COPS7A: variants seen among roughly 807,000 people sequenced by gnomAD.
COPS7A encodes the protein COP9 signalosome complex subunit 7a.
In COPS7A, 20 loss-of-function variants were observed where a neutral mutation model predicts 35.2. The ratio of observed to expected loss-of-function variants is 0.57; its 90% CI spans 0.40 to 0.83. The LOEUF (loss-of-function observed/expected upper bound fraction) is 0.83. Ranked by LOEUF, COPS7A falls within the 40% of genes least tolerant of loss-of-function variation. The pLI, the probability that COPS7A is intolerant of heterozygous loss-of-function variation, is 0.00. For missense variants in COPS7A, 247 were observed against 347.5 expected (o/e 0.71, Z 2.30); for synonymous variants, 139 against 141.4 (o/e 0.98, Z 0.12).
Position 6,731,489 on chromosome 12 carries a change from C to T in COPS7A, c.*450C>T, listed in dbSNP as rs1484004075. 2 of 281,122 alleles carry T rather than the reference C, an allele frequency of 7.1e-6. No individual in the cohort carries two copies. The highest frequency in any genetic ancestry group is 1.3e-5 in the Non-Finnish European group (2 of 158,956). 17.4% of individuals were successfully genotyped at this position (281,122 alleles called of 1,614,324 possible). A position where few individuals can be genotyped will look rare whatever the true frequency, so the allele number is the denominator to read the frequency against. On this transcript the variant is annotated 3_prime_UTR_variant, in exon 8 of 8. Coordinates refer to ENST00000543155, the MANE Select transcript of COPS7A (RefSeq NM_001164094.2). ...AGCCTCTGAAGAGCCATAGGGCCCC[C>T]ACCTTTACTCACACCCTGAGAATTC... is the stretch of plus-strand genomic sequence containing the variant.
In COPS7A at chr12:6,724,635, G is replaced by A; in HGVS notation, c.-22G>A. ...GCAGCTCTGGACATCCTGAGCCCAA[G>A]TCCCCCACACTCAGTGCAGTGATGA... is the stretch of plus-strand genomic sequence containing the variant. On this transcript the variant is annotated 5_prime_UTR_variant, in exon 2 of 8. Transcript: ENST00000543155. The A allele has an allele frequency of 6.2e-7, 1 of 1,613,926 alleles. No homozygotes were observed. The highest frequency in any genetic ancestry group is 8.5e-7 in the Non-Finnish European group (1 of 1,179,924).
intron 3 of COPS7A, 37 bp from the exon 4 acceptor site, chr12:6,728,186 A>T: frequency 6.3e-7 from 1 of 1,599,388 alleles, no homozygotes; most frequent in Non-Finnish European, 8.6e-7. Flanking sequence ...CAGAAAACTG[A>T]AATCAGGATT....
At position 6,729,412 on chromosome 12, in the gene COPS7A, C is replaced by T; in HGVS notation, c.493C>T (p.Gln165Ter). 1 of 1,614,084 alleles carries T rather than the reference C, an allele frequency of 6.2e-7. No individual in the cohort carries two copies. Among genetic ancestry groups the T allele is most frequent in the Non-Finnish European group, 8.5e-7 (1 of 1,180,040 alleles). Reference protein sequence around the residue: ...DYSIGRDIQRQDLSAIARTLQ... With the variant: ...DYSIGRDIQR ...CAGCATCGGGCGGGACATCCAGCGC[C>T]AGGACCTCAGTGCCATTGCCCGAAC... Residue 165 changes from glutamine to a stop codon, truncating the protein, a stop_gained, in exon 5 of 8, where the codon CAG becomes TAG. Coordinates refer to ENST00000543155, the MANE Select transcript of COPS7A (RefSeq NM_001164094.2). LOFTEE classifies it high-confidence loss of function. The surrounding 1 kb of genome is among the most constrained non-coding windows in gnomAD (Gnocchi z 4.2).
chr12:6,726,795 T>C (rs1215425472), intron 2 of COPS7A, among the ~76,000 whole-genome samples: 1 of 152,044 alleles, frequency 6.6e-6, no homozygotes, highest in Non-Finnish European at 1.5e-5. Flanking sequence ...ATTAAGTGGC[T>C]CTTTACTACC....
chr12:6,730,321 G>A, intron 5 of COPS7A, 81 bp from the exon 6 acceptor site: 1 of 1,365,360 alleles, frequency 7.3e-7, no homozygotes. Context: ...CCTGCCTCTA[G>A]GGTTCTTTTT....
chr12:6,728,510 C>T (rs1194057598), intron 4 of COPS7A, among the ~76,000 whole-genome samples, 199 bp downstream of exon 4: 1 of 152,152 alleles, frequency 6.6e-6, no homozygotes, highest in South Asian at 2.1e-4. Flanking sequence ...TTTTAATCAA[C>T]TTAAGTTCTA....
chr12:6,724,340 A>G (rs778048405), intron 1 of COPS7A, 161 bp downstream of exon 1: 3 of 463,802 alleles, frequency 6.5e-6, no homozygotes, highest in South Asian at 4.9e-5. Flanking sequence ...GGTGGACACC[A>G]TGCGACACCC....
chr12:6,725,509 A>G (rs1465469260), intron 2 of COPS7A: 1 of 429,454 alleles, frequency 2.3e-6, no homozygotes, highest in African/African-American at 2.0e-5. Flanking sequence ...TTGTGGGAAT[A>G]AAGTGAGATT....
intron 1 of COPS7A, 111 bp downstream of exon 1, chr12:6,724,290 C>A (rs1309845555): frequency 1.0e-5 from 4 of 398,636 alleles, no homozygotes; most frequent in Non-Finnish European, 1.5e-5. Context: ...GTTGTGGGCG[C>A]GTGCGGGGCA....
chr12:6,727,272 G>A (rs773350033), intron 2 of COPS7A, among the ~76,000 whole-genome samples: 8 of 150,524 alleles, frequency 5.3e-5, no homozygotes, highest in Admixed American at 1.3e-4. Flanking sequence ...GGGAGGCGGA[G>A]GTTGCAGTGA....
chr12:6,730,261 C>T, intron 5 of COPS7A, 141 bp from the exon 6 acceptor site: 1 of 705,042 alleles, frequency 1.4e-6, no homozygotes, highest in Non-Finnish European at 2.5e-6. Flanking sequence ...AAGCAATTCG[C>T]CCATCTTGGC....
chr12:6,730,587 G>A, intron 6 of COPS7A, 80 bp downstream of exon 6: 1 of 1,610,954 alleles, frequency 6.2e-7, no homozygotes, highest in South Asian at 1.1e-5. Context: ...TTTGGACAGT[G>A]GCTGTAGCAG....
chr12:6,727,817 A>C (rs749962631), intron 2 of COPS7A, 109 bp from the exon 3 acceptor site: 2 of 963,976 alleles, frequency 2.1e-6, no homozygotes, highest in Non-Finnish European at 3.3e-6. Flanking sequence ...CAGGAGAGTT[A>C]ACATTGGCCG....
rs1205183926 is a variant in COPS7A, at chr12:6,730,438, G to A, written c.567G>A (p.Glu189=). The A allele has an allele frequency of 6.2e-6, 10 of 1,614,008 alleles. No homozygotes were observed. Among genetic ancestry groups the A allele is most frequent in the Non-Finnish European group, 7.6e-6 (9 of 1,180,026 alleles). Residue 189 remains glutamate (E), a synonymous_variant, in exon 6 of 8, where the codon GAG becomes GAA. Coordinates refer to ENST00000543155, the MANE Select transcript of COPS7A (RefSeq NM_001164094.2). ...GTGAGGTCGTGCTGTCAGGCATTGA[G>A]GAGCAGGTGAGCCGTGCCAACCAAC... is the stretch of plus-strand genomic sequence containing the variant. ...VGCEVVLSGI[E]EQVSRANQHK...
rs1286668978 is a variant in COPS7A, at chr12:6,731,352, G to A, written c.*313G>A. The A allele has an allele frequency of 1.4e-6, 2 of 1,397,900 alleles. No homozygotes were observed. Among genetic ancestry groups the A allele is most frequent in the Non-Finnish European group, 1.9e-6 (2 of 1,078,354 alleles). The allele number at this position is 1,397,900 out of a possible 1,614,324, so 86.6% of individuals were successfully genotyped here. A position where few individuals can be genotyped will look rare whatever the true frequency, so the allele number is the denominator to read the frequency against. On this transcript the variant is annotated 3_prime_UTR_variant, in exon 8 of 8. Transcript: ENST00000543155. ...TTACATGTCATTGAGTAGGTGGGTA[G>A]CCCTGATGGGGGTCGCTCTGTCTGG...
intron 2 of COPS7A, 166 bp from the exon 3 acceptor site, chr12:6,727,760 C>T (rs1453086832): frequency 2.8e-6 from 2 of 710,194 alleles, no homozygotes; most frequent in Non-Finnish European, 2.6e-6. Flanking sequence ...ATGAGCCCTT[C>T]CTATGTGAAG....
At chr12:6,730,018 A>C (rs2137757860) in intron 5 of COPS7A, among the ~76,000 whole-genome samples, 1 of 152,078 alleles carries the variant, frequency 6.6e-6, no homozygotes, top group East Asian at 1.9e-4. Flanking sequence ...TTCCCAACTC[A>C]GACTCAAAAT....
intron 2 of COPS7A, among the ~76,000 whole-genome samples, chr12:6,725,184 T>G (rs1941221002): frequency 1.4e-5 from 2 of 146,004 alleles, no homozygotes; most frequent in Non-Finnish European, 1.5e-5. Context: ...TGAGACGGAG[T>G]CTTGCTCTGT....
At position 6,730,507 on chromosome 12, in the gene COPS7A, G is replaced by A. The variant is rs1941365224; in HGVS notation, c.636G>A (p.Glu212=). ...QLGLKQQIES[E]VANLKKTIKV... is the part of the protein sequence containing the mutation. The stretch of plus-strand genomic sequence containing the variant: ...GCCTGAAGCAGCAGATTGAGAGTGA[G>A]GTGAGCAGTCAGGGGAGCAGGCAGA... The change falls in exon 6 of 8, where the codon GAG becomes GAA. Residue 212 remains glutamate, a splice_region_variant and synonymous_variant. Coordinates refer to ENST00000543155, the MANE Select transcript of COPS7A (RefSeq NM_001164094.2). The A allele has an allele frequency of 1.2e-6, 2 of 1,614,078 alleles. No homozygotes were observed. Among genetic ancestry groups the A allele is most frequent in the Non-Finnish European group, 1.7e-6 (2 of 1,180,004 alleles).
Sources: allele counts gnomAD v4.1 joint callset (sites outside exome capture counted in the v4.1 genomes callset), GRCh38; gene constraint gnomAD v4.1.1; non-coding constraint Gnocchi (gnomAD v3.1); transcripts MANE v1.5; gene names NCBI Gene and HGNC (gene_info 2026-07-23, HGNC 2026-07-21).